WDR7: variants seen among roughly 807,000 people sequenced by gnomAD.
WDR7 encodes the protein WD repeat-containing protein 7.
In WDR7, 46 loss-of-function variants were observed where a neutral mutation model predicts 169.4. The observed-to-expected ratio is 0.27, with a 90% CI of 0.21 to 0.35. WDR7 has a LOEUF of 0.35. WDR7 is among the 10% of genes least tolerant of loss of function. The pLI, the probability that WDR7 is intolerant of heterozygous loss-of-function variation, is 1.00. For missense variants in WDR7, 1,534 were observed against 1,859.3 expected, an observed-to-expected ratio of 0.83 and a Z score of 3.22; for synonymous variants, 612 against 666.8, an observed-to-expected ratio of 0.92 and a Z score of 1.27.
At chr18:56,951,534 A>G (rs139918449) in intron 25 of WDR7, among the ~76,000 whole-genome samples, 64 of 152,318 alleles carry the variant, frequency 4.2e-4, no homozygotes, top group African/African-American at 1.2e-3. Flanking sequence ...ATTTGTGTTT[A>G]GCTTGCTTTT....
intron 26 of WDR7, among the ~76,000 whole-genome samples, chr18:57,016,718 A>G (rs1417046450): frequency 1.3e-5 from 2 of 152,222 alleles, no homozygotes; most frequent in African/African-American, 2.4e-5. Flanking sequence ...ACTTGGGTAC[A>G]TTAAGTATTG....
chr18:56,781,579 T>A lies in WDR7; in HGVS notation c.3113T>A (p.Ile1038Asn), dbSNP rs1568191215. ...QALLLAELRR[I>N]EQAGRKEAID... ...CTGCTTCTGGCGGAACTGAGAAGAA[T>A]TGAGCAGGCAGGCAGGAAGGAAGCC... Residue 1038 changes from isoleucine (I) to asparagine (N), a missense_variant, in exon 19 of 28, where the codon ATT (isoleucine) becomes AAT (asparagine). Transcript: ENST00000254442. 2 of 1,612,660 alleles carry A rather than the reference T, an allele frequency of 1.2e-6. No homozygotes were observed.
intron 13 of WDR7, among the ~76,000 whole-genome samples, chr18:56,728,014 A>G (rs1284869290): frequency 6.6e-6 from 1 of 152,198 alleles, no homozygotes; most frequent in African/African-American, 2.4e-5. Flanking sequence ...AAAGTTTTGA[A>G]TATTTCTGGC....
intron 1 of WDR7, among the ~76,000 whole-genome samples, chr18:56,671,203 C>T (rs1201878768): frequency 1.3e-5 from 2 of 151,602 alleles, no homozygotes; most frequent in African/African-American, 4.8e-5. Context: ...CCTCAATGTT[C>T]AGAGTTTACA....
chr18:56,755,102 T>C (rs1185462153), intron 14 of WDR7, among the ~76,000 whole-genome samples: 1 of 152,128 alleles, frequency 6.6e-6, no homozygotes, highest in African/African-American at 2.4e-5. Flanking sequence ...TTTTTCTTTT[T>C]TTTTTCTTTT....
chr18:56,948,314 C>G (rs1185476717), intron 25 of WDR7, among the ~76,000 whole-genome samples: 1 of 152,010 alleles, frequency 6.6e-6, no homozygotes, highest in Non-Finnish European at 1.5e-5. Flanking sequence ...TTATTTCACT[C>G]ACTTTTATTG....
At chr18:57,003,337 CAA>C (rs1289283392) in intron 26 of WDR7, among the ~76,000 whole-genome samples, 2 of 151,798 alleles carry the variant, frequency 1.3e-5, no homozygotes, top group Non-Finnish European at 2.9e-5. Context: ...TAAAAAAATA[CAA>C]AAAAGGACAT....
rs1303734470 is a variant in WDR7 at position 56,683,438 on chromosome 18, C to T, written c.520+585C>T. 2.0e-5 allele frequency among the ~76,000 whole-genome samples: 3 copies of T among 152,234 alleles called. No individual in the cohort carries two copies. In the East Asian group the frequency reaches 5.8e-4, roughly 29 times the overall value. On this transcript the variant is annotated intron_variant, in intron 5 of 27. Coordinates refer to ENST00000254442, the MANE Select transcript of WDR7 (RefSeq NM_015285.3). ...ATAGTTAATGCAGAACATTGAATGT[C>T]TACTTTTATAAGCCTTTTAAGGAGC...
intron 21 of WDR7, among the ~76,000 whole-genome samples, chr18:56,881,175 C>T (rs1299797891): frequency 6.6e-6 from 1 of 152,240 alleles, no homozygotes; most frequent in East Asian, 1.9e-4. Flanking sequence ...ATAGACTTAG[C>T]TGCCCCTCCT....
chr18:56,867,953 T>G (rs2045904739), intron 20 of WDR7, among the ~76,000 whole-genome samples: 1 of 152,190 alleles, frequency 6.6e-6, no homozygotes, highest in African/African-American at 2.4e-5. Flanking sequence ...TATATCTCTA[T>G]ATGCTCATTT....
intron 26 of WDR7, among the ~76,000 whole-genome samples, chr18:57,020,123 A>G (rs1320787382): frequency 2.0e-5 from 3 of 152,230 alleles, no homozygotes; most frequent in African/African-American, 7.2e-5. Context: ...CAGAGGTTCA[A>G]AACTATCCCT....
At chr18:56,787,302 G>A (rs934505283) in intron 19 of WDR7, among the ~76,000 whole-genome samples, 29 of 152,078 alleles carry the variant, frequency 1.9e-4, no homozygotes, top group African/African-American at 6.5e-4. Context: ...TTTCTTGTAC[G>A]TTGTATTCTG....
At chr18:56,838,045 G>A (rs374685035) in intron 20 of WDR7, among the ~76,000 whole-genome samples, 14 of 151,578 alleles carry the variant, frequency 9.2e-5, no homozygotes, top group African/African-American at 2.4e-4. Context: ...AGATATTTAC[G>A]CATTTACATC....
At chr18:56,810,532 A>G (rs2044850227) in intron 19 of WDR7, among the ~76,000 whole-genome samples, 1 of 152,194 alleles carries the variant, frequency 6.6e-6, no homozygotes, top group South Asian at 2.1e-4. Flanking sequence ...ATAGTTACAA[A>G]TATGGTCAAC....
intron 25 of WDR7, among the ~76,000 whole-genome samples, chr18:56,956,418 T>C (rs904131905): frequency 3.9e-5 from 6 of 152,074 alleles, no homozygotes; most frequent in African/African-American, 1.4e-4. Flanking sequence ...TGAACAAAAC[T>C]GTCCCCCTTG....
chr18:56,944,209 G>A (rs759856174), intron 25 of WDR7, among the ~76,000 whole-genome samples: 14 of 151,840 alleles, frequency 9.2e-5, no homozygotes, highest in African/African-American at 2.4e-4. Context: ...GGCCAGGATG[G>A]TGTTGATCTC....
chr18:56,901,165 T>C lies in WDR7; in HGVS notation c.3526+21000T>C, dbSNP rs573268470. Among the ~76,000 whole-genome samples the C allele has an allele frequency of 7.2e-5, 11 of 152,278 alleles. No homozygotes were observed. The East Asian group carries it at 1.7e-3, about 24-fold the overall frequency. On this transcript the variant is annotated intron_variant, in intron 21 of 27. Coordinates refer to ENST00000254442, the MANE Select transcript of WDR7 (RefSeq NM_015285.3). ...CTGTAATCCCAGCACTTGGGGAGGC[T>C]AAGGCCGAAGGATTGCTTGAGGCCA...
At chr18:56,859,855 C>T (rs897476480) in intron 20 of WDR7, among the ~76,000 whole-genome samples, 3 of 152,208 alleles carry the variant, frequency 2.0e-5, no homozygotes, top group East Asian at 1.9e-4. Context: ...GCTCTTCACA[C>T]TTCATCTGCT....
intron 13 of WDR7, among the ~76,000 whole-genome samples, chr18:56,730,996 T>C (rs1044252248): frequency 6.6e-6 from 1 of 152,180 alleles, no homozygotes; most frequent in African/African-American, 2.4e-5. Flanking sequence ...TTAGTAAGAC[T>C]TTTTTCGTTT....
Sources: allele counts gnomAD v4.1 joint callset (sites outside exome capture counted in the v4.1 genomes callset), GRCh38; gene constraint gnomAD v4.1.1; transcripts MANE v1.5; gene names NCBI Gene and HGNC (gene_info 2026-07-23, HGNC 2026-07-21).